Variants in RNF121 observed in about 807,000 individuals in gnomAD.
RNF121 encodes ring finger protein 121, also known as E3 ubiquitin ligase RNF121.
In RNF121, 21 loss-of-function variants were observed where a neutral mutation model predicts 46.5. That is an observed-to-expected ratio of 0.45 (90% CI 0.32 to 0.65). The LOEUF (loss-of-function observed/expected upper bound fraction) is 0.65. Among genes scored for constraint, RNF121 ranks in the 30% least tolerant of loss-of-function variants. The pLI is 0.04. For synonymous variants in RNF121, 139 were observed against 144.7 expected (o/e 0.96, Z 0.28); for missense variants, 346 against 416.0 (o/e 0.83, Z 1.46).
At chr11:71,957,468 T>C (rs1028505717) in intron 2 of RNF121, among the ~76,000 whole-genome samples, 1 of 152,230 alleles carries the variant, frequency 6.6e-6, no homozygotes, top group Non-Finnish European at 1.5e-5. Context: ...CCAAATCATC[T>C]ATCTGGGTTT....
intron 1 of RNF121, among the ~76,000 whole-genome samples, chr11:71,952,144 G>A (rs1031502052): frequency 6.6e-6 from 1 of 152,126 alleles, no homozygotes; most frequent in Non-Finnish European, 1.5e-5. Flanking sequence ...CAATACAAAC[G>A]AATGAACTAC....
At chr11:71,976,516 C>T (rs1435814033) in intron 3 of RNF121, among the ~76,000 whole-genome samples, 1 of 151,866 alleles carries the variant, frequency 6.6e-6, no homozygotes, top group African/African-American at 2.4e-5. Context: ...CCACTATGCC[C>T]AGCTAATTTT....
intron 3 of RNF121, among the ~76,000 whole-genome samples, chr11:71,966,420 C>CT (rs1456053586): frequency 6.6e-6 from 1 of 152,168 alleles, no homozygotes; most frequent in African/African-American, 2.4e-5. Context: ...CTGCCCAACT[C>CT]TGTCAGTCGC....
At chr11:71,958,413 T>C (rs1954044976) in intron 2 of RNF121, among the ~76,000 whole-genome samples, 1 of 152,196 alleles carries the variant, frequency 6.6e-6, no homozygotes, top group African/African-American at 2.4e-5. Flanking sequence ...TTTGTTGTTA[T>C]GGAGTATCGG....
At chr11:71,936,962 G>A (rs1953431101) in intron 1 of RNF121, among the ~76,000 whole-genome samples, 2 of 152,194 alleles carry the variant, frequency 1.3e-5, no homozygotes, top group African/African-American at 2.4e-5. Context: ...TAAGGATAAA[G>A]GGAATGTTGA....
chr11:71,988,664 G>T (rs902593222), intron 5 of RNF121, among the ~76,000 whole-genome samples: 1 of 148,752 alleles, frequency 6.7e-6, no homozygotes, highest in Admixed American at 6.7e-5. Flanking sequence ...AAGAAAGAAA[G>T]AAAGAAAATT....
At chr11:71,970,619 G>A (rs531314695) in intron 3 of RNF121, among the ~76,000 whole-genome samples, 1 of 151,966 alleles carries the variant, frequency 6.6e-6, no homozygotes, top group Admixed American at 6.6e-5. Flanking sequence ...CTATGATCAC[G>A]TCACTGCACT....
intron 3 of RNF121, among the ~76,000 whole-genome samples, chr11:71,964,571 A>G (rs1954227323): frequency 6.6e-6 from 1 of 151,940 alleles, no homozygotes; most frequent in African/African-American, 2.4e-5. Context: ...CTACTTCTGC[A>G]GGCTCAGGTG....
At chr11:71,957,365 C>A (rs1954011558) in intron 2 of RNF121, 101 bp downstream of exon 2, 2 of 808,106 alleles carry the variant, frequency 2.5e-6, no homozygotes, top group African/African-American at 3.4e-5. Context: ...CAGTAGGAGG[C>A]AGTGGCTCAT....
chr11:71,941,374 A>G (rs750459975), intron 1 of RNF121, among the ~76,000 whole-genome samples: 4 of 152,208 alleles, frequency 2.6e-5, no homozygotes, highest in Non-Finnish European at 5.9e-5. Flanking sequence ...TTCAGTAAAC[A>G]TTTATTAAGT....
At chr11:71,974,583 C>G (rs1324695816) in intron 3 of RNF121, among the ~76,000 whole-genome samples, 1 of 152,126 alleles carries the variant, frequency 6.6e-6, no homozygotes, top group Non-Finnish European at 1.5e-5. Flanking sequence ...GAGAGTTGGA[C>G]CTAAAATGAA....
intron 3 of RNF121, among the ~76,000 whole-genome samples, chr11:71,969,257 G>C (rs1954367014): frequency 6.6e-6 from 1 of 152,010 alleles, no homozygotes; most frequent in Non-Finnish European, 1.5e-5. Context: ...CTCACGTAAA[G>C]GTGAATGGGT....
rs1227844086 is a variant in RNF121, at chr11:71,956,197, T to C, written c.64-1030T>C. ...TTGAACATCTTAAGTACTAAAGGAATGGTTGTTGATTGATTTGAGTATTTC... is the reference window on the plus strand; with the variant it reads ...TTGAACATCTTAAGTACTAAAGGAACGGTTGTTGATTGATTTGAGTATTTC... On this transcript the variant is annotated intron_variant, in intron 1 of 8. Transcript: ENST00000361756. Among the ~76,000 whole-genome samples the C allele has an allele frequency of 2.0e-5, 3 of 152,294 alleles. No individual in the cohort carries two copies. In the East Asian group the frequency reaches 5.8e-4, roughly 29 times the overall value.
At chr11:71,958,732 A>G (rs773723841) in intron 2 of RNF121, among the ~76,000 whole-genome samples, 45 of 152,184 alleles carry the variant, frequency 3.0e-4, no homozygotes, top group Non-Finnish European at 5.9e-4. Flanking sequence ...ATATGTACCT[A>G]CAATGTGCCA....
chr11:71,974,617 C>G (rs1013772280), intron 3 of RNF121, among the ~76,000 whole-genome samples: 1 of 152,132 alleles, frequency 6.6e-6, no homozygotes, highest in Non-Finnish European at 1.5e-5. Flanking sequence ...GTTAAGTGTT[C>G]TTTCTGTAGG....
At chr11:71,977,641 C>T (rs959010318) in intron 3 of RNF121, among the ~76,000 whole-genome samples, 2 of 152,238 alleles carry the variant, frequency 1.3e-5, no homozygotes, top group African/African-American at 4.8e-5. Flanking sequence ...TTTGCACATT[C>T]AGGGAGAGAA....
intron 1 of RNF121, among the ~76,000 whole-genome samples, chr11:71,947,905 C>G (rs1486283742): frequency 6.6e-6 from 1 of 152,078 alleles, no homozygotes; most frequent in Non-Finnish European, 1.5e-5. Flanking sequence ...GGCACTATGG[C>G]AATGAAAAAC....
rs946843369 is a variant in RNF121 at position 71,996,325 on chromosome 11, G to C, written c.*10G>C. ...CCTGGGCCTGGAATAGTGATGAAGA[G>C]CATCAGTGGAAAACCCACCCCACAC... On this transcript the variant is annotated 3_prime_UTR_variant, in exon 9 of 9. Transcript: ENST00000361756. The C allele has an allele frequency of 9.3e-6, 15 of 1,613,662 alleles. No individual in the cohort carries two copies. The highest frequency in any genetic ancestry group is 8.3e-5 in the Admixed American group (5 of 59,966).
chr11:71,990,913 T>A, intron 6 of RNF121, 196 bp downstream of exon 6: 1 of 658,888 alleles, frequency 1.5e-6, no homozygotes, highest in Non-Finnish European at 2.5e-6. Flanking sequence ...TAAAACCATG[T>A]GCGTTGCAGC....
Sources: gnomAD v4.1 joint callset for allele counts (sites outside exome capture counted in the v4.1 genomes callset) on GRCh38, gnomAD v4.1.1 for gene constraint, MANE v1.5 for transcripts, NCBI Gene and HGNC (gene_info 2026-07-23, HGNC 2026-07-21) for gene names.